The following ARID1B variants were observed in gnomAD, a reference collection of about 807,000 sequenced individuals.
ARID1B encodes AT-rich interactive domain-containing protein 1B.
A neutral mutation model predicts 212.3 loss-of-function variants in ARID1B; 30 were observed. The observed-to-expected ratio is 0.14, with a 90% CI of 0.11 to 0.19. The LOEUF (loss-of-function observed/expected upper bound fraction) is 0.19, where lower values mean the gene tolerates loss of function less well. Ranked by LOEUF, ARID1B falls within the 10% of genes least tolerant of loss-of-function variation. The pLI is 1.00. For synonymous variants in ARID1B, 1,402 were observed against 1,301.7 expected (o/e 1.08, Z -1.66); for missense variants, 2,891 against 3,204.0 (o/e 0.90, Z 2.36).
intron 2 of ARID1B, among the ~76,000 whole-genome samples, chr6:156,867,881 A>C (rs1337315103): frequency 6.6e-6 from 1 of 152,220 alleles, no homozygotes; most frequent in African/African-American, 2.4e-5. Context: ...TGGAGAAAGC[A>C]AATGTTTGTT....
chr6:157,046,787 T>C (rs1782269997), intron 4 of ARID1B, among the ~76,000 whole-genome samples: 1 of 152,268 alleles, frequency 6.6e-6, no homozygotes, highest in South Asian at 2.1e-4. Flanking sequence ...TAGTCTTCTT[T>C]CCTAATTTCC....
chr6:156,994,436 T>C (rs1778462338), intron 4 of ARID1B, among the ~76,000 whole-genome samples: 1 of 152,078 alleles, frequency 6.6e-6, no homozygotes, highest in Non-Finnish European at 1.5e-5. Context: ...CATAGAAGAA[T>C]TTACGAGGCT....
chr6:156,983,253 G>C (rs934064641), intron 4 of ARID1B, among the ~76,000 whole-genome samples: 5 of 151,586 alleles, frequency 3.3e-5, no homozygotes, highest in African/African-American at 1.2e-4. Flanking sequence ...AATTTAGCCA[G>C]GCTTGGTGGC....
At chr6:156,951,937 A>G (rs1793619740) in intron 4 of ARID1B, among the ~76,000 whole-genome samples, 1 of 152,246 alleles carries the variant, frequency 6.6e-6, no homozygotes, top group Non-Finnish European at 1.5e-5. Flanking sequence ...GTCATGCCAC[A>G]TAAATGATTG....
At chr6:156,797,913 T>A (rs1013653810) in intron 1 of ARID1B, among the ~76,000 whole-genome samples, 1 of 151,832 alleles carries the variant, frequency 6.6e-6, no homozygotes, top group African/African-American at 2.4e-5. Context: ...GAAAGGGCGA[T>A]GGAAAAGCTG....
chr6:157,059,262 A>G (rs563852518), intron 4 of ARID1B, among the ~76,000 whole-genome samples: 2 of 152,322 alleles, frequency 1.3e-5, no homozygotes, highest in East Asian at 3.9e-4. Context: ...ACAGTTTGTT[A>G]TATAATAGAG....
chr6:156,777,754 G>A lies in ARID1B; in HGVS notation c.74G>A (p.Arg25Gln). ...RARARAGSGERRAPPGPRPAP... is the reference protein window; with the variant it reads ...RARARAGSGEQRAPPGPRPAP... The stretch of plus-strand genomic sequence containing the variant: ...CGGGCGCGGGCAGGCAGCGGCGAAC[G>A]GCGGGCGCCCCCCGGGCCGCGGCCG... Residue 25 changes from arginine (R) to glutamine (Q), a missense_variant, in exon 1 of 20, where the codon CGG becomes CAG. Physicochemically the swap from Arg to Gln is conservative, Grantham distance 43. Transcript: ENST00000636930. 1 of 514,410 alleles carries A rather than the reference G, an allele frequency of 1.9e-6. No individual in the cohort carries two copies. The highest frequency in any genetic ancestry group is 2.5e-6 in the Non-Finnish European group (1 of 405,126). The allele number at this position is 514,410 out of a possible 1,614,324, so 31.9% of individuals were successfully genotyped here.
At chr6:157,188,827 G>A (rs1216733333) in intron 13 of ARID1B, among the ~76,000 whole-genome samples, 1 of 152,192 alleles carries the variant, frequency 6.6e-6, no homozygotes, top group East Asian at 1.9e-4. Context: ...GTAGATGACA[G>A]AGCAGGAGCC....
intron 5 of ARID1B, among the ~76,000 whole-genome samples, chr6:157,105,788 G>A (rs1440436961): frequency 2.0e-5 from 3 of 152,052 alleles, no homozygotes; most frequent in African/African-American, 7.2e-5. Context: ...TTTTAATAGA[G>A]ACGGGGTTTC....
chr6:156,955,202 A>G lies in ARID1B; in HGVS notation c.2247+19626A>G, dbSNP rs1445476313. On this transcript the variant is annotated intron_variant, in intron 4 of 19. Coordinates refer to ENST00000636930, the MANE Select transcript of ARID1B (RefSeq NM_001374828.1). The surrounding 1 kb of genome is among the most constrained non-coding windows in gnomAD (Gnocchi z 4.2). ...GGATCCTGAATCTGGCATCTGTTGT[A>G]TTTAGTGTAATTCCTACCTTTGTGT... Among the ~76,000 whole-genome samples the G allele has an allele frequency of 1.3e-5, 2 of 152,194 alleles. No homozygotes were observed. The highest frequency in any genetic ancestry group is 2.1e-4 in the South Asian group (1 of 4,834).
chr6:157,065,634 C>G (rs560103403), intron 4 of ARID1B, among the ~76,000 whole-genome samples: 1 of 152,254 alleles, frequency 6.6e-6, no homozygotes, highest in South Asian at 2.1e-4. Flanking sequence ...CATTACCTAC[C>G]CATAGAAACT....
intron 2 of ARID1B, among the ~76,000 whole-genome samples, chr6:156,850,241 A>G (rs1784493681): frequency 6.6e-6 from 1 of 152,030 alleles, no homozygotes; most frequent in Non-Finnish European, 1.5e-5. Flanking sequence ...AGTTTTGAGA[A>G]TGCTACAATA....
intron 4 of ARID1B, chr6:156,938,538 A>C (rs151248160): frequency 5.3e-5 from 8 of 152,218 alleles, no homozygotes; most frequent in Non-Finnish European, 1.2e-4. Flanking sequence ...TATCTGTACC[A>C]TTTATGAAAT....
chr6:156,913,160 C>G (rs1790041019), intron 3 of ARID1B, among the ~76,000 whole-genome samples: 3 of 150,884 alleles, frequency 2.0e-5, no homozygotes, highest in African/African-American at 7.3e-5. Flanking sequence ...CATTACCTCA[C>G]ATAGTTACCA....
chr6:156,962,818 C>G (rs1042575976), intron 4 of ARID1B, among the ~76,000 whole-genome samples: 6 of 151,756 alleles, frequency 4.0e-5, no homozygotes, highest in African/African-American at 1.5e-4. Flanking sequence ...GAGTCTCACG[C>G]TGTCGCCAGG....
chr6:156,856,426 A>G (rs1784936163), intron 2 of ARID1B, among the ~76,000 whole-genome samples: 1 of 152,130 alleles, frequency 6.6e-6, no homozygotes, highest in Non-Finnish European at 1.5e-5. Context: ...GAATTCTAAG[A>G]TGTATGTCCT....
At chr6:157,044,717 G>A (rs1056425436) in intron 4 of ARID1B, among the ~76,000 whole-genome samples, 3 of 152,166 alleles carry the variant, frequency 2.0e-5, no homozygotes, top group African/African-American at 7.2e-5. Flanking sequence ...GTAGAGCTGT[G>A]CTATCCAGTG....
chr6:156,958,643 T>A (rs1794137314), intron 4 of ARID1B, among the ~76,000 whole-genome samples: 1 of 152,232 alleles, frequency 6.6e-6, no homozygotes. Flanking sequence ...CCAAATGTCT[T>A]AAGTATTTCT....
intron 1 of ARID1B, among the ~76,000 whole-genome samples, chr6:156,809,209 G>C (rs1354835909): frequency 6.6e-6 from 1 of 152,170 alleles, no homozygotes; most frequent in Non-Finnish European, 1.5e-5. Flanking sequence ...TACCATGACT[G>C]ACCTCCTGAT....
Sources: gnomAD v4.1 joint callset for allele counts (sites outside exome capture counted in the v4.1 genomes callset) on GRCh38, gnomAD v4.1.1 for gene constraint, Gnocchi (gnomAD v3.1) non-coding constraint, MANE v1.5 for transcripts, NCBI Gene and HGNC (gene_info 2026-07-23, HGNC 2026-07-21) for gene names.